Variants in ALS2 observed in about 807,000 individuals in gnomAD.
The protein encoded by ALS2 is alsin.
A neutral mutation model predicts 203.4 loss-of-function variants in ALS2; 117 were observed. That is an observed-to-expected ratio of 0.58 (90% CI 0.50 to 0.67). The LOEUF is 0.67. ALS2 is among the 30% of genes least tolerant of loss of function. The pLI is 0.00. For missense variants in ALS2, 1,715 were observed against 1,989.4 expected (o/e 0.86, Z 2.62); for synonymous variants, 718 against 725.9 (o/e 0.99, Z 0.17).
chr2:201,765,898 G>C (rs972607404), intron 3 of ALS2: 4 of 166,804 alleles, frequency 2.4e-5, no homozygotes, highest in Non-Finnish European at 4.4e-5. Context: ...ATCAGACTGA[G>C]TTCCAGTCCT....
chr2:201,707,093 G>C, intron 28 of ALS2, 71 bp from the exon 29 acceptor site: 1 of 1,453,370 alleles, frequency 6.9e-7, no homozygotes, highest in Non-Finnish European at 9.4e-7. Context: ...CCAAGGTAGA[G>C]CTTCAGTTTC....
intron 4 of ALS2, among the ~76,000 whole-genome samples, chr2:201,758,570 A>C (rs1369200969): frequency 6.6e-6 from 1 of 152,214 alleles, no homozygotes; most frequent in Non-Finnish European, 1.5e-5. Context: ...CTAAGCTGTC[A>C]AACATCATTG....
At chr2:201,758,358 C>T (rs555989539) in intron 4 of ALS2, among the ~76,000 whole-genome samples, 1 of 152,282 alleles carries the variant, frequency 6.6e-6, no homozygotes, top group South Asian at 2.1e-4. Context: ...CCTTTACTGG[C>T]TCATCAATGA....
At chr2:201,740,573 C>T (rs1323491588) in intron 11 of ALS2, among the ~76,000 whole-genome samples, 1 of 152,074 alleles carries the variant, frequency 6.6e-6, no homozygotes, top group Non-Finnish European at 1.5e-5. Flanking sequence ...AAACTAGTAT[C>T]AAGTTCTATT....
At chr2:201,732,456 T>C (rs931563910) in intron 13 of ALS2, among the ~76,000 whole-genome samples, 9 of 149,662 alleles carry the variant, frequency 6.0e-5, no homozygotes, top group Non-Finnish European at 1.3e-4. Context: ...TAATCTCAGC[T>C]ACTCAGGAGG....
intron 28 of ALS2, among the ~76,000 whole-genome samples, chr2:201,707,596 A>AT (rs993994255): frequency 2.0e-5 from 3 of 151,664 alleles, no homozygotes; most frequent in Non-Finnish European, 2.9e-5. Flanking sequence ...TGCCCTGCTA[A>AT]TTTTTTTTAT....
rs777004596 is a variant in ALS2 at position 201,724,367 on chromosome 2, G to C, written c.3440C>G (p.Ser1147Cys). 15 of 1,613,756 alleles carry C rather than the reference G, an allele frequency of 9.3e-6. No individual in the cohort carries two copies. The Admixed American group carries it at 1.8e-4, about 20-fold the overall frequency. The change falls in exon 21 of 34, where the codon TCT becomes TGT. Residue 1147 changes from serine (S) to cysteine (C), a missense_variant. Physicochemically the swap from Ser to Cys is moderately radical, Grantham distance 112. Transcript: ENST00000264276. ...CCACTGGCCAATGAACATACTAGGA[G>C]AAGAGGACGTCAATTTCCCACTTCG... The part of the protein sequence containing the change: ...LLRSGKLTSS[S>C]PSMFIGQWVM...
intron 32 of ALS2, 115 bp downstream of exon 32, chr2:201,704,339 G>T (rs1689569034): frequency 6.7e-7 from 1 of 1,493,024 alleles, no homozygotes; most frequent in Non-Finnish European, 9.3e-7. Flanking sequence ...CAGTGGAATG[G>T]GTTAATCGAT....
At chr2:201,775,040 T>C (rs2106115937) in intron 1 of ALS2, among the ~76,000 whole-genome samples, 1 of 152,334 alleles carries the variant, frequency 6.6e-6, no homozygotes, top group South Asian at 2.1e-4. Context: ...TTCTCCTGTC[T>C]CAATTACCGG....
intron 10 of ALS2, among the ~76,000 whole-genome samples, chr2:201,743,825 T>C (rs1184709655): frequency 6.6e-6 from 1 of 152,184 alleles, no homozygotes; most frequent in Admixed American, 6.5e-5. Flanking sequence ...AAGAGACTAC[T>C]TGTAAATCCA....
chr2:201,758,275 T>C (rs1299745847), intron 4 of ALS2, among the ~76,000 whole-genome samples: 2 of 152,210 alleles, frequency 1.3e-5, no homozygotes, highest in African/African-American at 4.8e-5. Context: ...GAAATTTAGA[T>C]ATAGCATATG....
chr2:201,711,484 C>A (rs1207135278), intron 25 of ALS2, among the ~76,000 whole-genome samples: 1 of 152,018 alleles, frequency 6.6e-6, no homozygotes, highest in African/African-American at 2.4e-5. Flanking sequence ...GGTGATAGAC[C>A]CGTTGGTGAC....
chr2:201,729,419 G>A (rs1015538506), intron 13 of ALS2, among the ~76,000 whole-genome samples: 1 of 152,014 alleles, frequency 6.6e-6, no homozygotes, highest in African/African-American at 2.4e-5. Context: ...GACAAAACCT[G>A]GCAGTTAGTG....
At chr2:201,731,080 C>G (rs80037188) in intron 13 of ALS2, among the ~76,000 whole-genome samples, 2 of 152,098 alleles carry the variant, frequency 1.3e-5, no homozygotes, top group African/African-American at 4.8e-5. Flanking sequence ...CACCATGTAG[C>G]GAGGGAGCAG....
rs1487556548 is a variant in ALS2 at position 201,753,195 on chromosome 2, T to C, written c.1688A>G (p.His563Arg). ...VKCLDGKEVI[H>R]LEAGGYHSLA... is the part of the protein sequence containing the mutation. ...AGAATGGTAACCACCTGCCTCCAGA[T>C]GGATTACTTCTTTGCCATCCAGACA... Residue 563 changes from histidine to arginine, a missense_variant, in exon 7 of 34, where the codon CAT (histidine) becomes CGT (arginine). By Grantham distance (29) the His-to-Arg change is conservative. Transcript: ENST00000264276. 1 of 1,614,166 alleles carries C rather than the reference T, an allele frequency of 6.2e-7. No homozygotes were observed.
intron 2 of ALS2, among the ~76,000 whole-genome samples, chr2:201,768,451 C>T (rs1241590138): frequency 1.3e-5 from 2 of 152,160 alleles, no homozygotes; most frequent in Non-Finnish European, 2.9e-5. Flanking sequence ...AAGCATTTAT[C>T]TATATTTGCT....
At chr2:201,765,142 C>T (rs1026533701) in intron 3 of ALS2, among the ~76,000 whole-genome samples, 1 of 152,068 alleles carries the variant, frequency 6.6e-6, no homozygotes, top group Non-Finnish European at 1.5e-5. Flanking sequence ...GGACTACAGG[C>T]GCAGGCCTCC....
At chr2:201,768,808 T>G in intron 2 of ALS2, 58 bp downstream of exon 2, 1 of 1,520,250 alleles carries the variant, frequency 6.6e-7, no homozygotes, top group South Asian at 1.1e-5. Context: ...TACACATATG[T>G]GAAGCTGTTT....
chr2:201,742,186 A>T (rs1211775984), intron 10 of ALS2, among the ~76,000 whole-genome samples: 2 of 152,258 alleles, frequency 1.3e-5, no homozygotes, highest in Admixed American at 1.3e-4. Flanking sequence ...AAGATAAGTA[A>T]TCTGAAGCCA....
Sources: allele counts gnomAD v4.1 joint callset (sites outside exome capture counted in the v4.1 genomes callset), GRCh38; gene constraint gnomAD v4.1.1; transcripts MANE v1.5; gene names NCBI Gene and HGNC (gene_info 2026-07-23, HGNC 2026-07-21).